DNM3: variants seen among roughly 807,000 people sequenced by gnomAD.
The protein encoded by DNM3 is dynamin 3.
In DNM3, 47 loss-of-function variants were observed where a neutral mutation model predicts 101.6. The observed-to-expected ratio is 0.46, with a 90% CI of 0.37 to 0.59. The LOEUF (loss-of-function observed/expected upper bound fraction) is 0.59. DNM3 is among the 20% of genes least tolerant of loss of function. The pLI is 0.00. For missense variants in DNM3, 849 were observed against 1,085.7 expected (o/e 0.78, Z 3.06); for synonymous variants, 385 against 387.9 (o/e 0.99, Z 0.09).
intron 1 of DNM3, among the ~76,000 whole-genome samples, chr1:171,855,340 C>T (rs1270645221): frequency 6.6e-6 from 1 of 152,170 alleles, no homozygotes; most frequent in Non-Finnish European, 1.5e-5. Context: ...AGTGAACATT[C>T]ACATGCATGT....
chr1:172,151,808 A>G (rs763818292), intron 14 of DNM3, among the ~76,000 whole-genome samples: 3 of 152,104 alleles, frequency 2.0e-5, no homozygotes, highest in Non-Finnish European at 4.4e-5. Flanking sequence ...TGAGAAGTGC[A>G]CTAATTGTTG....
chr1:172,077,090 A>G (rs2052720466), intron 11 of DNM3, among the ~76,000 whole-genome samples: 1 of 152,020 alleles, frequency 6.6e-6, no homozygotes, highest in African/African-American at 2.4e-5. Context: ...TAGATTTTCT[A>G]GTTTATTTGC....
intron 12 of DNM3, among the ~76,000 whole-genome samples, chr1:172,091,211 G>A (rs1373815870): frequency 6.6e-6 from 1 of 152,188 alleles, no homozygotes; most frequent in African/African-American, 2.4e-5. Flanking sequence ...CCAACCATGT[G>A]CCATGTCCTT....
At chr1:172,130,975 G>C (rs2056905722) in intron 13 of DNM3, among the ~76,000 whole-genome samples, 200 bp from the exon 14 acceptor site, 1 of 152,124 alleles carries the variant, frequency 6.6e-6, no homozygotes, top group Non-Finnish European at 1.5e-5. Flanking sequence ...TCCATTCATT[G>C]ACAGGAGAGA....
intron 1 of DNM3, among the ~76,000 whole-genome samples, chr1:171,895,080 T>C (rs2125194878): frequency 6.6e-6 from 1 of 152,374 alleles, no homozygotes; most frequent in Non-Finnish European, 1.5e-5. Context: ...CTATTGTGAA[T>C]AGTGCTGCAA....
At chr1:172,216,274 C>A (rs2060696061) in intron 14 of DNM3, among the ~76,000 whole-genome samples, 1 of 151,992 alleles carries the variant, frequency 6.6e-6, no homozygotes, top group Non-Finnish European at 1.5e-5. Flanking sequence ...CAGTTTATCC[C>A]TAAAAATGTT....
chr1:171,921,679 C>T, intron 1 of DNM3, 69 bp from the exon 2 acceptor site: 1 of 1,291,222 alleles, frequency 7.7e-7, no homozygotes, highest in Non-Finnish European at 1.1e-6. Flanking sequence ...TGCTGTGGAA[C>T]TTGGTTTATG....
intron 4 of DNM3, among the ~76,000 whole-genome samples, chr1:172,007,963 A>G (rs2046808128): frequency 1.3e-5 from 2 of 151,940 alleles, no homozygotes; most frequent in Admixed American, 6.6e-5. Context: ...ATTGACGTTG[A>G]GCATTTTTTT....
intron 2 of DNM3, among the ~76,000 whole-genome samples, chr1:171,943,341 C>T (rs1349773209): frequency 6.6e-6 from 1 of 152,062 alleles, no homozygotes; most frequent in Non-Finnish European, 1.5e-5. Flanking sequence ...GAAACTAGTT[C>T]AGGACATGAT....
chr1:171,914,726 C>T (rs553522407), intron 1 of DNM3, among the ~76,000 whole-genome samples: 24 of 152,238 alleles, frequency 1.6e-4, no homozygotes, highest in African/African-American at 5.5e-4. Flanking sequence ...TAGCTGTCTG[C>T]CAGTTGTGAA....
chr1:172,185,645 G>T (rs1330571575), intron 14 of DNM3, among the ~76,000 whole-genome samples: 2 of 152,066 alleles, frequency 1.3e-5, no homozygotes, highest in Non-Finnish European at 2.9e-5. Flanking sequence ...GTGCACTTAG[G>T]AATCATTTTT....
At chr1:172,281,112 G>C (rs1222744730) in intron 15 of DNM3, among the ~76,000 whole-genome samples, 1 of 151,906 alleles carries the variant, frequency 6.6e-6, no homozygotes, top group Non-Finnish European at 1.5e-5. Flanking sequence ...AATGGAGAGA[G>C]TGTGATAGCA....
chr1:172,332,651 G>A (rs927126236), intron 17 of DNM3, among the ~76,000 whole-genome samples: 4 of 152,154 alleles, frequency 2.6e-5, no homozygotes, highest in African/African-American at 7.2e-5. Context: ...CAGGACCCAG[G>A]CCAGTAGGAT....
intron 1 of DNM3, among the ~76,000 whole-genome samples, chr1:171,884,356 A>G (rs887898699): frequency 4.6e-5 from 7 of 152,192 alleles, no homozygotes; most frequent in African/African-American, 1.7e-4. Context: ...TTCATCTTCC[A>G]TGCTGGACCC....
intron 17 of DNM3, among the ~76,000 whole-genome samples, chr1:172,345,637 G>A (rs2066893779): frequency 1.3e-5 from 2 of 152,202 alleles, no homozygotes; most frequent in Non-Finnish European, 1.5e-5. Context: ...TGACTTTTAA[G>A]TGTATTTGTG....
chr1:172,139,782 A>G (rs1224556649), intron 14 of DNM3: 2 of 152,238 alleles, frequency 1.3e-5, no homozygotes, highest in East Asian at 3.9e-4. Flanking sequence ...AAAAAATTAA[A>G]ACCAGATCCT....
chr1:172,132,753 TA>T, intron 14 of DNM3: 1 of 601,140 alleles, frequency 1.7e-6, no homozygotes, highest in South Asian at 2.2e-5. Flanking sequence ...GCTAGTGTTT[TA>T]TATGTATTAA....
intron 13 of DNM3, among the ~76,000 whole-genome samples, chr1:172,095,987 A>G (rs528346439): frequency 6.6e-6 from 1 of 152,314 alleles, no homozygotes; most frequent in Non-Finnish European, 1.5e-5. Flanking sequence ...TTAGAGAAGC[A>G]TGATGATGCA....
chr1:172,211,998 A>T (rs2148524264), intron 14 of DNM3, among the ~76,000 whole-genome samples: 1 of 152,232 alleles, frequency 6.6e-6, no homozygotes, highest in African/African-American at 2.4e-5. Flanking sequence ...CAAGCTCTTT[A>T]ATGTTATCTA....
Sources: gnomAD v4.1 joint callset for allele counts (sites outside exome capture counted in the v4.1 genomes callset) on GRCh38, gnomAD v4.1.1 for gene constraint, MANE v1.5 for transcripts, NCBI Gene and HGNC (gene_info 2026-07-23, HGNC 2026-07-21) for gene names.